SYBU: variants seen among roughly 807,000 people sequenced by gnomAD.
SYBU encodes syntabulin, also known as GOLSYN A protein.
SYBU carries 21 observed loss-of-function variants against 35.9 expected under a neutral mutation model. That is an observed-to-expected ratio of 0.58 (90% CI 0.41 to 0.84). SYBU has a LOEUF of 0.84. Among genes scored for constraint, SYBU ranks in the 40% least tolerant of loss-of-function variants. The pLI is 0.00. For missense variants in SYBU, 768 were observed against 848.2 expected (o/e 0.91, Z 1.17); for synonymous variants, 319 against 324.3 (o/e 0.98, Z 0.18).
rs551967725 is a variant in SYBU, at chr8:109,624,478, G to A, written c.230-5439C>T. On this transcript the variant is annotated intron_variant, in intron 2 of 6. Transcript: ENST00000276646. ...TAGAAAATTGCTATTTTGCAACCTC[G>A]AATGAAATAATTGATTTAGGCAGCA... is the stretch of plus-strand genomic sequence containing the variant. Among the ~76,000 whole-genome samples the A allele has an allele frequency of 6.6e-5, 10 of 152,256 alleles. No individual in the cohort carries two copies. In the South Asian group the frequency reaches 1.2e-3, roughly 19 times the overall value.
intron 1 of SYBU, among the ~76,000 whole-genome samples, chr8:109,663,370 G>A (rs1816643648): frequency 1.3e-5 from 2 of 152,100 alleles, no homozygotes; most frequent in South Asian, 4.1e-4. Flanking sequence ...AAGATACAAT[G>A]GGTCAATACA....
At chr8:109,671,127 AC>A (rs1235678469) in intron 1 of SYBU, among the ~76,000 whole-genome samples, 14 of 152,114 alleles carry the variant, frequency 9.2e-5, no homozygotes, top group Non-Finnish European at 8.8e-5. Context: ...TTGGTTCCCT[AC>A]CCCCATAATA....
chr8:109,672,893 C>T (rs560785611), intron 1 of SYBU, among the ~76,000 whole-genome samples: 1 of 152,350 alleles, frequency 6.6e-6, no homozygotes, highest in African/African-American at 2.4e-5. Flanking sequence ...ATTTTCCCCA[C>T]ACAGTGTAAA....
In SYBU at chr8:109,575,731, G is replaced by A. The variant is rs1822204406; in HGVS notation, c.1167C>T (p.Cys389=). 6.2e-7 allele frequency: 1 copy of A among 1,614,140 alleles called. No individual in the cohort carries two copies. Among genetic ancestry groups the A allele is most frequent in the Non-Finnish European group, 8.5e-7 (1 of 1,180,016 alleles). Residue 389 remains cysteine, a synonymous_variant, in exon 7 of 7, where the codon TGC becomes TGT. Transcript: ENST00000276646. ...AHSGSLRDEL[C]LDFPCDSPEK... Reference sequence around the variant, plus strand: ...CTGGGGAATCACATGGAAAGTCTAGGCACAGTTCGTCCCTCAGAGAGCCAC... The same window carrying A: ...CTGGGGAATCACATGGAAAGTCTAGACACAGTTCGTCCCTCAGAGAGCCAC...
intron 3 of SYBU, among the ~76,000 whole-genome samples, chr8:109,594,842 C>T (rs1824684136): frequency 6.6e-6 from 1 of 152,224 alleles, no homozygotes. Context: ...CTCTCTCTTT[C>T]TCACTTGTAC....
At chr8:109,583,264 T>C (rs889867823) in intron 4 of SYBU, among the ~76,000 whole-genome samples, 1 of 152,152 alleles carries the variant, frequency 6.6e-6, no homozygotes, top group Non-Finnish European at 1.5e-5. Flanking sequence ...TATTATCCCA[T>C]ATCCCAAAAC....
At chr8:109,592,806 T>C (rs1323840663) in intron 3 of SYBU, among the ~76,000 whole-genome samples, 2 of 152,240 alleles carry the variant, frequency 1.3e-5, no homozygotes, top group Non-Finnish European at 2.9e-5. Context: ...GCCTTACTTA[T>C]ATATGTATAC....
intron 2 of SYBU, among the ~76,000 whole-genome samples, chr8:109,622,417 G>A (rs1250141984): frequency 6.6e-6 from 1 of 152,026 alleles, no homozygotes; most frequent in African/African-American, 2.4e-5. Flanking sequence ...ATTTTTAGTA[G>A]AGATGGGGTT....
chr8:109,614,808 T>C (rs549180822), intron 3 of SYBU, among the ~76,000 whole-genome samples: 2 of 152,362 alleles, frequency 1.3e-5, no homozygotes, highest in African/African-American at 4.8e-5. Flanking sequence ...GTGGCAATTT[T>C]TAATTAAATC....
intron 1 of SYBU, among the ~76,000 whole-genome samples, chr8:109,672,902 A>T (rs1817039294): frequency 6.6e-6 from 1 of 152,196 alleles, no homozygotes; most frequent in East Asian, 1.9e-4. Flanking sequence ...ACACAGTGTA[A>T]ACAAAGCCAC....
chr8:109,607,855 G>A (rs1019453504), intron 3 of SYBU: 149 of 430,474 alleles, frequency 3.5e-4, no homozygotes, highest in East Asian at 1.0e-4. Flanking sequence ...CACACACACA[G>A]TCTAGCCTCT....
chr8:109,580,018 GA>G lies in SYBU; in HGVS notation c.531-17del, dbSNP rs1386299314. ...AGGACCTCGACTGGGAGAAAAGAAT[GA>G]AAAATGTTAAAATTCTTGGGGCTAC... On this transcript the variant is annotated splice_polypyrimidine_tract_variant and intron_variant, in intron 4 of 6. Coordinates refer to ENST00000276646, the MANE Select transcript of SYBU (RefSeq NM_001099754.2). 1 of 1,610,124 alleles carries G rather than the reference GA, an allele frequency of 6.2e-7. No homozygotes were observed.
At chr8:109,616,696 CTT>C (rs34415660) in intron 3 of SYBU, among the ~76,000 whole-genome samples, 21 of 141,634 alleles carry the variant, frequency 1.5e-4, no homozygotes, top group East Asian at 1.2e-3. Flanking sequence ...ATGAAACATA[CTT>C]TTTTTTTTTT....
rs1271925299 is a variant in SYBU, at chr8:109,575,129, A to G, written c.1769T>C (p.Val590Ala). ...GACGCCCCCGCGAGCCAGTGGGATG[A>G]CACCATCCAACCTCTCTTCCACGCA... ...AACVEERLDG[V>A]IPLARGGVVR... Residue 590 changes from valine (V) to alanine (A), a missense_variant, in exon 7 of 7, where the codon GTC (valine) becomes GCC (alanine). Physicochemically the swap from Val to Ala is moderately conservative, Grantham distance 64 (BLOSUM62 0). Coordinates refer to ENST00000276646, the MANE Select transcript of SYBU (RefSeq NM_001099754.2). 1.9e-6 allele frequency: 3 copies of G among 1,614,002 alleles called. No homozygotes were observed. The highest frequency in any genetic ancestry group is 2.5e-6 in the Non-Finnish European group (3 of 1,179,974).
chr8:109,614,377 AACTG>A (rs1811506382), intron 3 of SYBU, among the ~76,000 whole-genome samples: 1 of 152,220 alleles, frequency 6.6e-6, no homozygotes. Context: ...TTCATCAGGA[AACTG>A]ACTGCAAACT....
At chr8:109,590,996 T>A (rs1041703837) in intron 3 of SYBU, among the ~76,000 whole-genome samples, 10 of 152,332 alleles carry the variant, frequency 6.6e-5, no homozygotes, top group African/African-American at 2.4e-4. Context: ...GTGTGAATTA[T>A]GCTACATGCA....
At chr8:109,643,139 T>C in intron 1 of SYBU, 1 of 1,285,036 alleles carries the variant, frequency 7.8e-7, no homozygotes, top group Non-Finnish European at 9.8e-7. Context: ...ATAGCACATG[T>C]CTGTGTGGCA....
chr8:109,578,840 G>A (rs1006403509), intron 5 of SYBU, among the ~76,000 whole-genome samples: 20 of 152,324 alleles, frequency 1.3e-4, no homozygotes, highest in Non-Finnish European at 2.1e-4. Flanking sequence ...AATGCAAGTT[G>A]TTCTAAAATC....
chr8:109,608,602 G>GA (rs36008644), intron 3 of SYBU, among the ~76,000 whole-genome samples: 5 of 152,128 alleles, frequency 3.3e-5, no homozygotes, highest in Non-Finnish European at 7.4e-5. Context: ...AGTTTGCTCA[G>GA]AAAAAATGTT....
Sources: allele counts gnomAD v4.1 joint callset (sites outside exome capture counted in the v4.1 genomes callset), GRCh38; gene constraint gnomAD v4.1.1; transcripts MANE v1.5; gene names NCBI Gene and HGNC (gene_info 2026-07-23, HGNC 2026-07-21).